The following NRG3 variants were observed in gnomAD, a reference collection of about 807,000 sequenced individuals.
NRG3 encodes the protein pro-neuregulin-3, membrane-bound isoform.
NRG3 carries 31 observed loss-of-function variants against 66.9 expected under a neutral mutation model. That is an observed-to-expected ratio of 0.46 (90% CI 0.35 to 0.63). The LOEUF is 0.63. NRG3 is among the 20% of genes least tolerant of loss of function. NRG3 has a pLI of 0.00. For missense variants in NRG3, 910 were observed against 878.9 expected, an observed-to-expected ratio of 1.04 and a Z score of -0.45; for synonymous variants, 393 against 359.4, an observed-to-expected ratio of 1.09 and a Z score of -1.06.
intron 2 of NRG3, among the ~76,000 whole-genome samples, chr10:82,733,210 G>A (rs1190554096): frequency 6.6e-6 from 1 of 152,102 alleles, no homozygotes; most frequent in East Asian, 1.9e-4. Context: ...AGGAATTGGA[G>A]CAAACATTTG....
intron 2 of NRG3, among the ~76,000 whole-genome samples, chr10:82,720,816 T>TATAC (rs2057265093): frequency 9.1e-5 from 2 of 21,924 alleles, no homozygotes; most frequent in African/African-American, 4.0e-4. Flanking sequence ...TATACATATA[T>TATAC]ATATATATAT....
At chr10:82,542,679 A>G (rs1472118957) in intron 2 of NRG3, among the ~76,000 whole-genome samples, 7 of 152,240 alleles carry the variant, frequency 4.6e-5, no homozygotes, top group African/African-American at 1.7e-4. Flanking sequence ...AAAACAAGGA[A>G]AACAGAGCAT....
intron 3 of NRG3, among the ~76,000 whole-genome samples, chr10:82,855,933 A>C (rs2063780017): frequency 6.6e-6 from 1 of 152,216 alleles, no homozygotes; most frequent in South Asian, 2.1e-4. Flanking sequence ...TACGTAACAA[A>C]GACAGCCATG....
intron 4 of NRG3, among the ~76,000 whole-genome samples, chr10:82,903,089 T>TA (rs764431778): frequency 2.6e-5 from 4 of 152,102 alleles, no homozygotes; most frequent in Non-Finnish European, 5.9e-5. Context: ...TGTTAAAACT[T>TA]ACACAAACAC....
At chr10:82,036,626 C>T (rs909932742) in intron 1 of NRG3, among the ~76,000 whole-genome samples, 4 of 152,052 alleles carry the variant, frequency 2.6e-5, no homozygotes, top group Non-Finnish European at 5.9e-5. Flanking sequence ...ATAAATGAGA[C>T]CTACTCTTAA....
chr10:82,203,189 C>T (rs923093008), intron 1 of NRG3, among the ~76,000 whole-genome samples: 1 of 152,026 alleles, frequency 6.6e-6, no homozygotes, highest in Non-Finnish European at 1.5e-5. Flanking sequence ...TGTAAACCTT[C>T]AAGCAAAGAT....
At chr10:82,450,794 C>T (rs1313998234) in intron 2 of NRG3, among the ~76,000 whole-genome samples, 1 of 152,034 alleles carries the variant, frequency 6.6e-6, no homozygotes, top group Non-Finnish European at 1.5e-5. Flanking sequence ...TTATTGAATC[C>T]AACAAAAATT....
chr10:82,671,433 C>T (rs1262084993), intron 2 of NRG3, among the ~76,000 whole-genome samples: 2 of 152,214 alleles, frequency 1.3e-5, no homozygotes, highest in East Asian at 1.9e-4. Context: ...CGTTAAGGAG[C>T]AGATTGCCTT....
At chr10:82,633,784 A>C (rs1186377531) in intron 2 of NRG3, among the ~76,000 whole-genome samples, 1 of 152,202 alleles carries the variant, frequency 6.6e-6, no homozygotes, top group African/African-American at 2.4e-5. Flanking sequence ...TAATGTACCA[A>C]AATGTACACA....
intron 2 of NRG3, among the ~76,000 whole-genome samples, chr10:82,711,866 T>C (rs2056688709): frequency 6.6e-6 from 1 of 152,200 alleles, no homozygotes; most frequent in African/African-American, 2.4e-5. Context: ...CATACTTTTG[T>C]ATTCTAACTT....
At chr10:82,715,452 C>A (rs2056916394) in intron 2 of NRG3, among the ~76,000 whole-genome samples, 1 of 152,084 alleles carries the variant, frequency 6.6e-6, no homozygotes, top group African/African-American at 2.4e-5. Context: ...CTGCTGGAGT[C>A]CTACAGTGAC....
intron 1 of NRG3, among the ~76,000 whole-genome samples, chr10:82,046,686 T>C (rs1361774480): frequency 4.1e-4 from 20 of 48,624 alleles, no homozygotes; most frequent in African/African-American, 8.1e-4. Context: ...GCCCATTCAG[T>C]ATGATATTGG....
At chr10:82,465,123 G>C (rs988316854) in intron 2 of NRG3, among the ~76,000 whole-genome samples, 1 of 152,198 alleles carries the variant, frequency 6.6e-6, no homozygotes, top group African/African-American at 2.4e-5. Context: ...TGGCACACCA[G>C]AGTGGCTGCA....
At chr10:82,529,964 A>G (rs928072129) in intron 2 of NRG3, among the ~76,000 whole-genome samples, 1 of 152,170 alleles carries the variant, frequency 6.6e-6, no homozygotes, top group African/African-American at 2.4e-5. Flanking sequence ...CAGTTAAATG[A>G]TGCCAGTTTT....
intron 6 of NRG3, among the ~76,000 whole-genome samples, chr10:82,959,471 A>T (rs2132446184): frequency 6.6e-6 from 1 of 152,266 alleles, no homozygotes; most frequent in South Asian, 2.1e-4. Flanking sequence ...AGAAGAAGTG[A>T]GTTCCGAGAT....
intron 4 of NRG3, among the ~76,000 whole-genome samples, chr10:82,942,335 C>T (rs935843545): frequency 3.9e-5 from 6 of 152,244 alleles, no homozygotes; most frequent in East Asian, 1.9e-4. Context: ...CTTTTTTCTA[C>T]GTAGTACAGC....
intron 7 of NRG3, among the ~76,000 whole-genome samples, chr10:82,975,560 A>G (rs1377182337): frequency 6.6e-6 from 1 of 152,218 alleles, no homozygotes; most frequent in Admixed American, 6.5e-5. Context: ...ATCTGTTGGC[A>G]TACACTGTGT....
chr10:81,999,604 G>A (rs1260853029), intron 1 of NRG3, among the ~76,000 whole-genome samples: 1 of 151,988 alleles, frequency 6.6e-6, no homozygotes, highest in Non-Finnish European at 1.5e-5. Flanking sequence ...TTTGGGAGTC[G>A]TAACAAAACC....
At chr10:82,857,221 C>G (rs1022397642) in intron 3 of NRG3, among the ~76,000 whole-genome samples, 9 of 152,184 alleles carry the variant, frequency 5.9e-5, no homozygotes, top group African/African-American at 2.2e-4. Flanking sequence ...GGTGCAGTCT[C>G]CATGGCTGCC....
Sources: allele counts gnomAD v4.1 joint callset (sites outside exome capture counted in the v4.1 genomes callset), GRCh38; gene constraint gnomAD v4.1.1; transcripts MANE v1.5; gene names NCBI Gene and HGNC (gene_info 2026-07-23, HGNC 2026-07-21).